Variants in PNPLA7 observed in about 807,000 individuals in gnomAD.
PNPLA7 encodes patatin like domain 7, lysophospholipase, also known as patatin-like phospholipase domain-containing protein 7.
A neutral mutation model predicts 161.7 loss-of-function variants in PNPLA7; 153 were observed. The ratio of observed to expected loss-of-function variants is 0.95; its 90% confidence interval spans 0.83 to 1.08. The LOEUF (loss-of-function observed/expected upper bound fraction) is 1.08. Among genes scored for constraint, PNPLA7 ranks in the 50% least tolerant of loss-of-function variants. The pLI is 0.00. For missense variants in PNPLA7, 1,739 were observed against 1,856.6 expected, an observed-to-expected ratio of 0.94 and a Z score of 1.16; for synonymous variants, 809 against 782.1, an observed-to-expected ratio of 1.03 and a Z score of -0.57.
At position 137,515,534 on chromosome 9, in the gene PNPLA7, G is replaced by A. The variant is rs770012851; in HGVS notation, c.1085-15C>T. On this transcript the variant is annotated splice_polypyrimidine_tract_variant and intron_variant, in intron 11 of 34. Coordinates refer to ENST00000406427, the MANE Select transcript of PNPLA7 (RefSeq NM_001098537.3). ...GCCCCCGTGATCTGCTGGGGAGGCA[G>A]CCGTAAGCAACCTTGTTTGCACGCA... The A allele has an allele frequency of 6.5e-7, 1 of 1,527,068 alleles. No homozygotes were observed. The allele number at this position is 1,527,068 out of a possible 1,614,324, so 94.6% of individuals were successfully genotyped here.
chr9:137,462,297 G>C lies in PNPLA7; in HGVS notation c.3527C>G (p.Ala1176Gly). 1 of 1,610,806 alleles carries C rather than the reference G, an allele frequency of 6.2e-7. No individual in the cohort carries two copies. The highest frequency in any genetic ancestry group is 8.5e-7 in the Non-Finnish European group (1 of 1,178,712). Residue 1176 changes from alanine to glycine, a missense_variant, in exon 31 of 35, where the codon GCC becomes GGC. By Grantham distance (60) the Ala-to-Gly change is moderately conservative. Around this residue, in one of 6 missense-constraint regions of PNPLA7, gnomAD observed 703 missense variants for 694.6 expected, o/e 1.01. Transcript: ENST00000406427. ...CAGCTGCCGCACGCAACACACGTAGGCCAGGCGCGTCTGAATCTCTGCCAT... is the reference window on the plus strand; with the variant it reads ...CAGCTGCCGCACGCAACACACGTAGCCCAGGCGCGTCTGAATCTCTGCCAT... ...LNMAEIQTRL[A>G]YVCCVRQLEV...
chr9:137,517,104 CTCA>C, intron 11 of PNPLA7, among the ~76,000 whole-genome samples: 1 of 144,584 alleles, frequency 6.9e-6, no homozygotes, highest in Non-Finnish European at 1.5e-5. Context: ...CACTCCATCC[CTCA>C]CTCACTCACT....
At chr9:137,532,447 G>A (rs939259357) in intron 8 of PNPLA7, among the ~76,000 whole-genome samples, 1 of 152,136 alleles carries the variant, frequency 6.6e-6, no homozygotes, top group Non-Finnish European at 1.5e-5. Context: ...AAAAAGAAAG[G>A]TAAGTTGAAG....
At chr9:137,497,119 G>C in intron 18 of PNPLA7, 68 bp downstream of exon 18, 1 of 1,407,188 alleles carries the variant, frequency 7.1e-7, no homozygotes, top group Non-Finnish European at 9.3e-7. Context: ...CCACACCCAG[G>C]CCAGAACCCA....
Position 137,463,517 on chromosome 9 carries a change from A to ACCG in PNPLA7, c.3240_3241insCGG (p.Trp1080_Tyr1081insArg), listed in dbSNP as rs1831318499. On this transcript the variant is annotated inframe_insertion, in exon 29 of 35. Transcript: ENST00000406427. The stretch of plus-strand genomic sequence containing the variant: ...GACAGGGACATGCTGGCACGCACGT[A>ACCG]CCACCACAGGGAGCCTGGGGAGGGG... 1 of 1,584,640 alleles carries ACCG rather than the reference A, an allele frequency of 6.3e-7. No individual in the cohort carries two copies. Among genetic ancestry groups the ACCG allele is most frequent in the Non-Finnish European group, 8.6e-7 (1 of 1,165,984 alleles).
At chr9:137,503,085 A>C (rs1833586853) in intron 14 of PNPLA7, among the ~76,000 whole-genome samples, 1 of 152,056 alleles carries the variant, frequency 6.6e-6, no homozygotes, top group South Asian at 2.1e-4. Flanking sequence ...AAGTTGTTTA[A>C]AGAGAGAGAA....
chr9:137,545,726 T>G (rs1836470470), intron 4 of PNPLA7, among the ~76,000 whole-genome samples: 1 of 152,178 alleles, frequency 6.6e-6, no homozygotes, highest in African/African-American at 2.4e-5. Flanking sequence ...CATACAGAGA[T>G]AGGAGCTGAG....
rs1336581884 is a variant in PNPLA7, at chr9:137,517,845, CA to C, written c.1084+2071del. Among the ~76,000 whole-genome samples the C allele has an allele frequency of 6.8e-4, 28 of 41,444 alleles. 1 individual carries two copies. Among genetic ancestry groups the C allele is most frequent in the African/African-American group, 4.5e-3 (25 of 5,556 alleles). The allele number at this position is 41,444 out of a possible 152,430, so 27.2% of individuals were successfully genotyped here. ...TCACTCCACTCTGTCCACTCCATCCCACACTCACTCACTCCACTCTATCCAC... is the reference window on the plus strand; with the variant it reads ...TCACTCCACTCTGTCCACTCCATCCCCACTCACTCACTCCACTCTATCCAC... On this transcript the variant is annotated intron_variant, in intron 11 of 34. Coordinates refer to ENST00000406427, the MANE Select transcript of PNPLA7 (RefSeq NM_001098537.3).
intron 12 of PNPLA7, among the ~76,000 whole-genome samples, chr9:137,506,728 G>C (rs780922348): frequency 2.0e-5 from 3 of 152,204 alleles, no homozygotes; most frequent in Non-Finnish European, 2.9e-5. Context: ...CCTGCCCTCA[G>C]CATTACACAT....
At chr9:137,462,149 C>T in intron 31 of PNPLA7, 30 bp downstream of exon 31, 1 of 1,547,246 alleles carries the variant, frequency 6.5e-7, no homozygotes, top group South Asian at 1.2e-5. Context: ...CCTCCGCCCG[C>T]CTCCGCCGCC....
intron 8 of PNPLA7, among the ~76,000 whole-genome samples, chr9:137,538,023 G>A (rs1835986549): frequency 6.6e-6 from 1 of 152,132 alleles, no homozygotes; most frequent in African/African-American, 2.4e-5. Context: ...ACATCCAGGA[G>A]TCCCTGAGAA....
intron 9 of PNPLA7, 124 bp from the exon 10 acceptor site, chr9:137,521,840 C>A (rs1424031203): frequency 1.4e-5 from 10 of 721,714 alleles, no homozygotes; most frequent in Non-Finnish European, 1.7e-5. Context: ...ACCGAACCCT[C>A]TCAGGGTGAA....
chr9:137,489,870 C>T (rs1329948974), intron 20 of PNPLA7, among the ~76,000 whole-genome samples: 3 of 152,158 alleles, frequency 2.0e-5, no homozygotes, highest in South Asian at 2.1e-4. Flanking sequence ...GGGACAATAA[C>T]GCGAGGTCTA....
At chr9:137,549,281 G>A (rs1452624160) in intron 1 of PNPLA7, among the ~76,000 whole-genome samples, 1 of 152,106 alleles carries the variant, frequency 6.6e-6, no homozygotes, top group African/African-American at 2.4e-5. Context: ...AAGAGTTCAA[G>A]ACTAGGCCGG....
chr9:137,469,842 G>C (rs1831634521), intron 25 of PNPLA7, among the ~76,000 whole-genome samples: 1 of 152,086 alleles, frequency 6.6e-6, no homozygotes, highest in Admixed American at 6.5e-5. Flanking sequence ...GAACAGGAAA[G>C]AAAATGGGAA....
At chr9:137,465,834 A>T (rs1433694504) in intron 26 of PNPLA7, among the ~76,000 whole-genome samples, 4 of 152,142 alleles carry the variant, frequency 2.6e-5, no homozygotes, top group Non-Finnish European at 5.9e-5. Flanking sequence ...TGTTCCACAA[A>T]AGCAAGCGCA....
At chr9:137,465,665 A>T (rs1326476959) in intron 26 of PNPLA7, among the ~76,000 whole-genome samples, 1 of 151,872 alleles carries the variant, frequency 6.6e-6, no homozygotes, top group Non-Finnish European at 1.5e-5. Flanking sequence ...TGGCCTTGGG[A>T]CTCGCTGCTG....
chr9:137,509,610 C>A (rs1302620526), intron 12 of PNPLA7: 2 of 386,946 alleles, frequency 5.2e-6, no homozygotes, highest in Non-Finnish European at 5.4e-6. Context: ...ATGAGTTTAG[C>A]TAGTATGAAT....
chr9:137,515,408 G>C lies in PNPLA7; in HGVS notation c.1196C>G (p.Ala399Gly). 1 of 1,604,312 alleles carries C rather than the reference G, an allele frequency of 6.2e-7. No individual in the cohort carries two copies. The highest frequency in any genetic ancestry group is 8.5e-7 in the Non-Finnish European group (1 of 1,176,484). ...QILEELEKPGAGDPDPSAPQG... is the reference protein window; with the variant it reads ...QILEELEKPGGGDPDPSAPQG... ...TGGGGCCGAAGGGTCAGGGTCACCT[G>C]CCCCGGGCTTCTCCAGCTCCTCCAA... is the stretch of plus-strand genomic sequence containing the variant. The change falls in exon 12 of 35, where the codon GCA (alanine) becomes GGA (glycine). Residue 399 changes from alanine (A) to glycine (G), a missense_variant. Physicochemically the swap from Ala to Gly is moderately conservative, Grantham distance 60 (BLOSUM62 0). Transcript: ENST00000406427.
Sources: allele counts gnomAD v4.1 joint callset (sites outside exome capture counted in the v4.1 genomes callset), GRCh38; gene constraint gnomAD v4.1.1; regional missense constraint gnomAD v4.1.1; transcripts MANE v1.5; gene names NCBI Gene and HGNC (gene_info 2026-07-23, HGNC 2026-07-21).